Variants in BST1 observed in about 807,000 individuals in gnomAD.
BST1 encodes the protein ADP-ribosyl cyclase/cyclic ADP-ribose hydrolase 2.
BST1 carries 49 observed loss-of-function variants against 40.6 expected under a neutral mutation model. That is an observed-to-expected ratio of 1.21 (90% CI 0.96 to 1.53). BST1 has a LOEUF of 1.53. BST1 is among the 40% of genes most tolerant of loss of function. The pLI is 0.00. For synonymous variants in BST1, 157 were observed against 159.3 expected (o/e 0.99, Z 0.11); for missense variants, 423 against 395.9 (o/e 1.07, Z -0.58).
intron 6 of BST1, among the ~76,000 whole-genome samples, chr4:15,717,312 C>T (rs954052209): frequency 1.3e-5 from 2 of 152,190 alleles, no homozygotes; most frequent in South Asian, 2.1e-4. Context: ...CTCATTTCCT[C>T]CCTGTACACT....
At chr4:15,726,136 G>GTTTT (rs58225702) in intron 8 of BST1, among the ~76,000 whole-genome samples, 6,815 of 107,398 alleles carry the variant, frequency 0.063, 620 homozygotes, top group East Asian at 0.47. Context: ...AACTTTTAAA[G>GTTTT]TTTTTTTTTT....
chr4:15,723,886 T>G (rs1720960619), intron 8 of BST1, among the ~76,000 whole-genome samples: 1 of 152,228 alleles, frequency 6.6e-6, no homozygotes, highest in African/African-American at 2.4e-5. Flanking sequence ...TATCTGTGCC[T>G]GTACCTATAG....
chr4:15,767,554 C>T, the BST1 span, among the ~76,000 whole-genome samples: 2 of 151,622 alleles, frequency 1.3e-5, no homozygotes, highest in East Asian at 1.9e-4. Flanking sequence ...CTGCCCGTTT[C>T]GGCTTTCCAA....
chr4:15,741,995 C>A (rs918600375), downstream of BST1, among the ~76,000 whole-genome samples: 1 of 152,184 alleles, frequency 6.6e-6, no homozygotes, highest in African/African-American at 2.4e-5. Flanking sequence ...ACATACAGTA[C>A]AAACAAATAA....
chr4:15,707,679 AGAACTCCTATTTACTAT>A (rs780379526), intron 3 of BST1, 33 bp downstream of exon 3: 5 of 1,611,414 alleles, frequency 3.1e-6, no homozygotes. Flanking sequence ...AGGAGACTTA[AGAACTCCTATTTACTAT>A]GCATTACCAT....
intron 4 of BST1, among the ~76,000 whole-genome samples, chr4:15,714,803 G>T (rs572713307): frequency 1.3e-5 from 2 of 152,078 alleles, no homozygotes; most frequent in African/African-American, 4.8e-5. Context: ...GTGACTTTTG[G>T]GTGGAAGCCT....
chr4:15,768,426 AATG>A, the BST1 span, among the ~76,000 whole-genome samples: 1 of 151,296 alleles, frequency 6.6e-6, no homozygotes, highest in South Asian at 2.1e-4. Context: ...GTATACTGTT[AATG>A]ATTGTCTGCC....
At chr4:15,719,872 G>C (rs1315893770) in intron 7 of BST1, among the ~76,000 whole-genome samples, 2 of 152,148 alleles carry the variant, frequency 1.3e-5, no homozygotes, top group East Asian at 1.9e-4. Flanking sequence ...GCCCCTCAAG[G>C]CTGTTCTGTT....
At chr4:15,724,816 A>G (rs1488733577) in intron 8 of BST1, among the ~76,000 whole-genome samples, 1 of 152,108 alleles carries the variant, frequency 6.6e-6, no homozygotes, top group Non-Finnish European at 1.5e-5. Flanking sequence ...TGAATTTTAG[A>G]TGGTTCATGG....
chr4:15,750,407 G>A, the BST1 span, among the ~76,000 whole-genome samples: 4 of 152,178 alleles, frequency 2.6e-5, no homozygotes, highest in Non-Finnish European at 5.9e-5. Context: ...CTCAACATAA[G>A]CAAAGAGTAT....
Position 15,703,164 on chromosome 4 carries a change from C to A in BST1, c.20C>A (p.Ala7Glu). ...TCCCCGATGGCGGCCCAGGGGTGCG[C>A]GGCATCGCGGCTGCTCCAGCTGCTG... MAAQGC[A>E]ASRLLQLLLQ... The change falls in exon 1 of 9, where the codon GCG becomes GAG. Residue 7 changes from alanine to glutamate, a missense_variant. Physicochemically the swap from Ala to Glu is moderately radical, Grantham distance 107. Transcript: ENST00000265016. 6.4e-7 allele frequency: 1 copy of A among 1,570,098 alleles called. No homozygotes were observed. The highest frequency in any genetic ancestry group is 8.6e-7 in the Non-Finnish European group (1 of 1,159,550).
Position 15,707,487 on chromosome 4 carries a change from G to A in BST1, c.316-24G>A, listed in dbSNP as rs552375035. ...CGGTTTTGATTCTGTTTTGTATTTT[G>A]ATGTTTTGTTTGTCTTTCCTTAGTC... On this transcript the variant is annotated intron_variant, in intron 2 of 8. Coordinates refer to ENST00000265016, the MANE Select transcript of BST1 (RefSeq NM_004334.3). The A allele has an allele frequency of 6.4e-6, 10 of 1,571,828 alleles. No individual in the cohort carries two copies. The South Asian group carries it at 1.1e-4, about 17-fold the overall frequency.
chr4:15,718,060 C>T (rs974976038), intron 6 of BST1, among the ~76,000 whole-genome samples: 26 of 152,296 alleles, frequency 1.7e-4, no homozygotes, highest in African/African-American at 6.3e-4. Context: ...TTGCTTTACC[C>T]TGCTCCTGCC....
intron 8 of BST1, among the ~76,000 whole-genome samples, chr4:15,727,675 A>G (rs1369461302): frequency 6.6e-6 from 1 of 152,162 alleles, no homozygotes; most frequent in African/African-American, 2.4e-5. Flanking sequence ...GTGCTTTGGG[A>G]AAACAATTTG....
At chr4:15,752,382 T>C in the BST1 span, among the ~76,000 whole-genome samples, 1 of 150,934 alleles carries the variant, frequency 6.6e-6, no homozygotes, top group African/African-American at 2.4e-5. Context: ...AGTGAAGGAA[T>C]CAAGCTATTC....
chr4:15,716,720 T>C (rs1204546776), intron 6 of BST1, among the ~76,000 whole-genome samples: 1 of 152,236 alleles, frequency 6.6e-6, no homozygotes, highest in East Asian at 1.9e-4. Flanking sequence ...TATTTTTGCA[T>C]GCATGAAAAA....
At position 15,707,624 on chromosome 4, in the gene BST1, G is replaced by C. The variant is rs763686210; in HGVS notation, c.429G>C (p.Trp143Cys). ...LYGRVADFLS[W>C]CRQKNDSGLD... The stretch of plus-strand genomic sequence containing the variant: ...GCAGGGTTGCAGATTTCTTGAGCTG[G>C]TGTCGACAGAAAAATGACTCTGGTA... The change falls in exon 3 of 9, where the codon TGG (tryptophan) becomes TGC (cysteine). Residue 143 changes from tryptophan (W) to cysteine (C), a missense_variant. By Grantham distance (215) the Trp-to-Cys change is radical. Transcript: ENST00000265016. 11 of 1,614,018 alleles carry C rather than the reference G, an allele frequency of 6.8e-6. No individual in the cohort carries two copies. Among genetic ancestry groups the C allele is most frequent in the African/African-American group, 1.3e-5 (1 of 74,992 alleles).
At chr4:15,742,393 C>A (rs1721768995), downstream of BST1, among the ~76,000 whole-genome samples, 1 of 152,220 alleles carries the variant, frequency 6.6e-6, no homozygotes, top group South Asian at 2.1e-4. Context: ...GCTTCCCCTA[C>A]TGCCATGTGA....
downstream of BST1, among the ~76,000 whole-genome samples, chr4:15,736,415 C>G (rs377006119): frequency 6.6e-6 from 1 of 151,922 alleles, no homozygotes; most frequent in Non-Finnish European, 1.5e-5. Flanking sequence ...AGGTCAGGAG[C>G]CCTGGACAAC....
Sources: gnomAD v4.1 joint callset for allele counts (sites outside exome capture counted in the v4.1 genomes callset) on GRCh38, gnomAD v4.1.1 for gene constraint, MANE v1.5 for transcripts, NCBI Gene and HGNC (gene_info 2026-07-23, HGNC 2026-07-21) for gene names.